C4orf51: variants seen among roughly 807,000 people sequenced by gnomAD.
C4orf51 encodes uncharacterized protein C4orf51.
In C4orf51, 25 loss-of-function variants were observed where a neutral mutation model predicts 25.2. The observed-to-expected ratio is 0.99, with a 90% confidence interval of 0.72 to 1.39. C4orf51 has a LOEUF of 1.39. Ranked by LOEUF, C4orf51 falls within the 40% of genes most tolerant of loss-of-function variation. The pLI is 0.00. For synonymous variants in C4orf51, 100 were observed against 84.5 expected, an observed-to-expected ratio of 1.18 and a Z score of -1.01; for missense variants, 252 against 239.6, an observed-to-expected ratio of 1.05 and a Z score of -0.34.
downstream of C4orf51, among the ~76,000 whole-genome samples, chr4:145,757,466 T>C (rs1189733767): frequency 6.6e-6 from 1 of 152,216 alleles, no homozygotes; most frequent in Middle Eastern, 3.2e-3. Context: ...TAACCATCGC[T>C]GTTCAACACT....
In C4orf51 at chr4:145,763,885, T is replaced by TG. The variant is rs1440478722; in HGVS notation, n.167-7101dup. ...CCCCTCCCCCAAGAGTGAAACGAAA[T>TG]GGAGTTCAACGGAGGTCCTGTTGTT... On this transcript the variant is annotated intron_variant and non_coding_transcript_variant, in intron 1 of 1. Coordinates refer to the C4orf51 transcript ENST00000510096. This position sits in a 1 kb window ranked among gnomAD's most constrained non-coding sequence, Gnocchi z 4.6. 1.3e-4 allele frequency among the ~76,000 whole-genome samples: 19 copies of TG among 149,078 alleles called. No individual in the cohort carries two copies. In the South Asian group the frequency reaches 2.2e-3, roughly 17 times the overall value.
chr4:145,782,596 A>C, the C4orf51 span, among the ~76,000 whole-genome samples: 1 of 152,162 alleles, frequency 6.6e-6, no homozygotes, highest in African/African-American at 2.4e-5. Context: ...AAAGCCTCCA[A>C]AACAGGTTCT....
chr4:145,704,645 A>G (rs1560834109), intron 2 of C4orf51, among the ~76,000 whole-genome samples: 1 of 152,210 alleles, frequency 6.6e-6, no homozygotes, highest in Non-Finnish European at 1.5e-5. Context: ...ATAATTTGAA[A>G]TTAGGACAAA....
At chr4:145,768,758 T>C (rs1195414698) in intron 1 of C4orf51, among the ~76,000 whole-genome samples, 2 of 139,468 alleles carry the variant, frequency 1.4e-5, no homozygotes, top group African/African-American at 5.4e-5. Context: ...CTTGGGAGGG[T>C]GAGGCAGGAG....
chr4:145,698,589 G>T (rs1431762312), intron 2 of C4orf51, among the ~76,000 whole-genome samples: 1 of 152,186 alleles, frequency 6.6e-6, no homozygotes, highest in East Asian at 1.9e-4. Flanking sequence ...GTTTCAGAGA[G>T]AATAGACTGT....
rs1174930111 is a variant in C4orf51 at position 145,768,858 on chromosome 4, C to CAAAAA, written n.167-2101_167-2097dup. On this transcript the variant is annotated intron_variant and non_coding_transcript_variant, in intron 1 of 1. Coordinates refer to the C4orf51 transcript ENST00000510096. ...TGGGTGACAGAGCAAGACTCCGTCT[C>CAAAAA]AAAAAAAAAAAAAAAAAAAAAAAAA... 8.2e-3 allele frequency among the ~76,000 whole-genome samples: 37 copies of CAAAAA among 4,536 alleles called. 13 individuals are homozygous for CAAAAA. The highest frequency in any genetic ancestry group is 0.011 in the Non-Finnish European group (24 of 2,176). The allele number at this position is 4,536 out of a possible 152,430, so 3.0% of individuals were successfully genotyped here.
intron 4 of C4orf51, 76 bp downstream of exon 4, chr4:145,729,305 T>TTTTTC: frequency 1.1e-6 from 1 of 898,920 alleles, no homozygotes; most frequent in Non-Finnish European, 1.7e-6. Flanking sequence ...TGATTTTTTT[T>TTTTTC]TTTTTTTTTT....
At chr4:145,734,244 G>A (rs1277041318), downstream of C4orf51, among the ~76,000 whole-genome samples, 2 of 152,170 alleles carry the variant, frequency 1.3e-5, no homozygotes, top group African/African-American at 4.8e-5. Flanking sequence ...TAGGGCTTGT[G>A]TCCAAGAAAA....
rs202227019 is a variant in C4orf51 at position 145,692,953 on chromosome 4, G to GTTTTTTTTTTTTTTTTTTTTTTTT, written c.234-3603_234-3580dup. ...TTACTCCGCTGATATTAAGTTTTTA[G>GTTTTTTTTTTTTTTTTTTTTTTTT]TTTTTTTTTTTTTTTTTTTTTTTTT... On this transcript the variant is annotated intron_variant, in intron 1 of 5. Coordinates refer to ENST00000438731, the MANE Select transcript of C4orf51 (RefSeq NM_001080531.3). Among the ~76,000 whole-genome samples the GTTTTTTTTTTTTTTTTTTTTTTTT allele has an allele frequency of 7.9e-5, 8 of 100,998 alleles. 1 individual carries two copies. Among genetic ancestry groups the GTTTTTTTTTTTTTTTTTTTTTTTT allele is most frequent in the Non-Finnish European group, 1.2e-4 (6 of 50,150 alleles). 66.3% of individuals were successfully genotyped at this position (100,998 alleles called of 152,430 possible). A position where few individuals can be genotyped will look rare whatever the true frequency, so the allele number is the denominator to read the frequency against.
chr4:145,765,198 C>T lies in C4orf51; in HGVS notation n.167-5790C>T, dbSNP rs753434584. On this transcript the variant is annotated intron_variant and non_coding_transcript_variant, in intron 1 of 1. Transcript: ENST00000510096. This position sits in a 1 kb window ranked among gnomAD's most constrained non-coding sequence, Gnocchi z 4.7. ...GACCGAAGCTGGGTATAGAGGTGCA[C>T]AGGGCAGCGGGGAGAGGAGGGCAGG... 1 of 1,564,910 alleles carries T rather than the reference C, an allele frequency of 6.4e-7. No homozygotes were observed. Among genetic ancestry groups the T allele is most frequent in the Non-Finnish European group, 8.7e-7 (1 of 1,152,800 alleles).
At chr4:145,781,805 T>G in the C4orf51 span, among the ~76,000 whole-genome samples, 3 of 152,160 alleles carry the variant, frequency 2.0e-5, no homozygotes, top group African/African-American at 7.2e-5. Context: ...ATAACGGTAA[T>G]AATTATAAGG....
downstream of C4orf51, among the ~76,000 whole-genome samples, chr4:145,733,304 G>A (rs1397205267): frequency 2.0e-5 from 3 of 151,988 alleles, no homozygotes; most frequent in Non-Finnish European, 4.4e-5. Flanking sequence ...CGCCGCCTAC[G>A]ACCCTCCTCC....
At chr4:145,753,795 G>A (rs986966014) in intron 1 of C4orf51, among the ~76,000 whole-genome samples, 1 of 152,112 alleles carries the variant, frequency 6.6e-6, no homozygotes, top group Non-Finnish European at 1.5e-5. Flanking sequence ...GGTCAAAGAG[G>A]CTATGGTGGA....
At chr4:145,727,911 A>G (rs1364221764) in intron 3 of C4orf51, among the ~76,000 whole-genome samples, 2 of 108,984 alleles carry the variant, frequency 1.8e-5, no homozygotes, top group Non-Finnish European at 3.4e-5. Flanking sequence ...ATATATATAT[A>G]TATATATATA....
At chr4:145,759,043 CAG>C (rs1433100801), downstream of C4orf51, 2 of 152,138 alleles carry the variant, frequency 1.3e-5, no homozygotes, top group Non-Finnish European at 2.9e-5. Context: ...CCTGGTGAAA[CAG>C]ATTTTAAAAA....
chr4:145,692,390 G>C (rs1053966529), intron 1 of C4orf51, among the ~76,000 whole-genome samples: 8 of 152,204 alleles, frequency 5.3e-5, no homozygotes, highest in Non-Finnish European at 1.2e-4. Flanking sequence ...GTGACAAAAT[G>C]TATTAAGAGA....
intron 5 of C4orf51, 147 bp from the exon 6 acceptor site, chr4:145,732,306 A>AGG (rs1732520756): frequency 1.7e-6 from 1 of 587,812 alleles, no homozygotes. Flanking sequence ...CAGGAAGGTT[A>AGG]AGAGAGATGG....
chr4:145,760,494 G>C (rs1734331238), intron 1 of C4orf51: 1 of 155,948 alleles, frequency 6.4e-6, no homozygotes, highest in Non-Finnish European at 1.4e-5. Flanking sequence ...AGGGCTGAGA[G>C]TGGGAGTGGG....
At chr4:145,707,308 A>C (rs1316669304) in intron 2 of C4orf51, among the ~76,000 whole-genome samples, 2 of 152,260 alleles carry the variant, frequency 1.3e-5, no homozygotes, top group Non-Finnish European at 2.9e-5. Flanking sequence ...CTTTGAATTC[A>C]ACAAAAATCA....
Sources: gnomAD v4.1 joint callset for allele counts (sites outside exome capture counted in the v4.1 genomes callset) on GRCh38, gnomAD v4.1.1 for gene constraint, Gnocchi (gnomAD v3.1) non-coding constraint, MANE v1.5 for transcripts, NCBI Gene and HGNC (gene_info 2026-07-23, HGNC 2026-07-21) for gene names.